Variants in NAV2 observed in about 807,000 individuals in gnomAD.
NAV2 encodes neuron navigator 2.
Under a neutral mutation model 223.2 loss-of-function variants are expected in NAV2, and 54 were observed. That is an observed-to-expected ratio of 0.24 (90% CI 0.19 to 0.30). The LOEUF (loss-of-function observed/expected upper bound fraction) is 0.30, where lower values mean the gene tolerates loss of function less well. Among genes scored for constraint, NAV2 ranks in the 10% least tolerant of loss-of-function variants. The probability of loss-of-function intolerance (pLI) is 1.00; values close to 1 mark genes in which losing one functional copy is unlikely to be tolerated. For synonymous variants in NAV2, 1,279 were observed against 1,239.3 expected (o/e 1.03, Z -0.67); for missense variants, 2,806 against 3,147.5 (o/e 0.89, Z 2.60).
At chr11:20,035,802 T>C (rs2056298044) in intron 11 of NAV2, among the ~76,000 whole-genome samples, 157 bp from the exon 12 acceptor site, 1 of 152,156 alleles carries the variant, frequency 6.6e-6, no homozygotes, top group Non-Finnish European at 1.5e-5. Flanking sequence ...CAATGATTGA[T>C]GTGGAGATGA....
intron 1 of NAV2, among the ~76,000 whole-genome samples, chr11:19,593,555 G>T (rs2135165927): frequency 6.6e-6 from 1 of 152,306 alleles, no homozygotes; most frequent in African/African-American, 2.4e-5. Context: ...AGGGATAAAT[G>T]CTTGGGGGTG....
chr11:19,796,366 C>G (rs2057897050), intron 1 of NAV2, among the ~76,000 whole-genome samples: 1 of 152,294 alleles, frequency 6.6e-6, no homozygotes, highest in South Asian at 2.1e-4. Context: ...ACCTTATTGA[C>G]AGAACCCAAA....
chr11:20,029,282 C>T (rs986030037), intron 11 of NAV2, among the ~76,000 whole-genome samples: 54 of 152,322 alleles, frequency 3.5e-4, no homozygotes, highest in African/African-American at 1.2e-3. Flanking sequence ...TGAACCCTCA[C>T]GGGTGGTAGT....
At chr11:19,769,416 T>TG (rs1231417424) in intron 1 of NAV2, among the ~76,000 whole-genome samples, 1 of 152,244 alleles carries the variant, frequency 6.6e-6, no homozygotes, top group East Asian at 1.9e-4. Flanking sequence ...ACCTTCATTT[T>TG]GGGAGTTCCC....
intron 1 of NAV2, among the ~76,000 whole-genome samples, chr11:19,395,832 G>A (rs528343738): frequency 6.6e-6 from 1 of 152,278 alleles, no homozygotes; most frequent in Admixed American, 6.5e-5. Flanking sequence ...AGGGCTATGT[G>A]TAGACATGTT....
At chr11:19,432,162 C>T (rs1415550141) in intron 1 of NAV2, among the ~76,000 whole-genome samples, 2 of 149,372 alleles carry the variant, frequency 1.3e-5, no homozygotes, top group Non-Finnish European at 3.0e-5. Flanking sequence ...TGCACCACTG[C>T]ACTCCAGCCT....
At chr11:19,887,993 G>A (rs1268974572) in intron 5 of NAV2, among the ~76,000 whole-genome samples, 1 of 151,762 alleles carries the variant, frequency 6.6e-6, no homozygotes, top group African/African-American at 2.4e-5. Flanking sequence ...TGGAACAGAG[G>A]AGCCGGGATG....
At chr11:19,906,546 T>C (rs902799619) in intron 6 of NAV2, among the ~76,000 whole-genome samples, 2 of 152,188 alleles carry the variant, frequency 1.3e-5, no homozygotes, top group African/African-American at 4.8e-5. Flanking sequence ...TCCACTGTAG[T>C]TGCATGAAAA....
intron 11 of NAV2, among the ~76,000 whole-genome samples, chr11:20,033,341 C>T (rs976550722): frequency 8.5e-5 from 13 of 152,190 alleles, no homozygotes; most frequent in Admixed American, 2.0e-4. Context: ...GACGATAGGA[C>T]GGCCCTTTGT....
chr11:19,754,040 G>T (rs2054048807), intron 1 of NAV2, among the ~76,000 whole-genome samples: 1 of 152,170 alleles, frequency 6.6e-6, no homozygotes, highest in South Asian at 2.1e-4. Flanking sequence ...TGACATTCAA[G>T]AGTCAACAGA....
intron 1 of NAV2, among the ~76,000 whole-genome samples, chr11:19,453,643 T>G (rs1324043054): frequency 6.6e-6 from 1 of 152,156 alleles, no homozygotes; most frequent in East Asian, 1.9e-4. Context: ...TGCAGGGGCT[T>G]GGAGAGCAGT....
At chr11:19,720,667 A>G (rs1473570768) in intron 1 of NAV2, among the ~76,000 whole-genome samples, 3 of 152,214 alleles carry the variant, frequency 2.0e-5, no homozygotes, top group Non-Finnish European at 4.4e-5. Context: ...TAATTATAAT[A>G]CTAGTCACGG....
chr11:19,407,254 G>A (rs996241902), intron 1 of NAV2, among the ~76,000 whole-genome samples: 1 of 152,166 alleles, frequency 6.6e-6, no homozygotes, highest in Non-Finnish European at 1.5e-5. Context: ...CTGCCTCTAT[G>A]GAGTTAGAAT....
chr11:19,842,022 G>T (rs2060540305), intron 2 of NAV2, among the ~76,000 whole-genome samples: 1 of 152,162 alleles, frequency 6.6e-6, no homozygotes, highest in South Asian at 2.1e-4. Context: ...TCTGCAGCTG[G>T]AATTCACGCT....
intron 1 of NAV2, among the ~76,000 whole-genome samples, chr11:19,510,009 C>CT (rs1461112757): frequency 2.6e-5 from 4 of 152,176 alleles, no homozygotes; most frequent in Admixed American, 2.0e-4. Context: ...AGTTCTTTGA[C>CT]TTTTGCAGGT....
intron 1 of NAV2, among the ~76,000 whole-genome samples, chr11:19,639,286 A>T (rs988362685): frequency 6.6e-6 from 1 of 152,172 alleles, no homozygotes; most frequent in East Asian, 1.9e-4. Context: ...CACTACTTTG[A>T]GGAGGGTTTG....
At chr11:19,758,479 G>C (rs752072130) in intron 1 of NAV2, among the ~76,000 whole-genome samples, 1 of 152,192 alleles carries the variant, frequency 6.6e-6, no homozygotes. Context: ...AGGAAGCAGC[G>C]ACTGTGATTG....
At chr11:19,655,240 C>A (rs1175442614) in intron 1 of NAV2, among the ~76,000 whole-genome samples, 1 of 152,172 alleles carries the variant, frequency 6.6e-6, no homozygotes, top group Non-Finnish European at 1.5e-5. Flanking sequence ...ATTCAGGAAA[C>A]AACAGGTGCT....
upstream of NAV2, chr11:19,350,701 A>G: frequency 1.9e-6 from 1 of 516,072 alleles, no homozygotes; most frequent in Admixed American, 3.2e-5. Context: ...TCTCAGACCT[A>G]AAGTAAAACC....
Sources: allele counts gnomAD v4.1 joint callset (sites outside exome capture counted in the v4.1 genomes callset), GRCh38; gene constraint gnomAD v4.1.1; transcripts MANE v1.5; gene names NCBI Gene and HGNC (gene_info 2026-07-23, HGNC 2026-07-21).